ECE1: variants seen among roughly 807,000 people sequenced by gnomAD.
ECE1 encodes the protein endothelin converting enzyme 1.
In ECE1, 35 loss-of-function variants were observed where a neutral mutation model predicts 98.6. That is an observed-to-expected ratio of 0.35 (90% CI 0.27 to 0.47). The LOEUF is 0.47. Ranked by LOEUF, ECE1 falls within the 20% of genes least tolerant of loss-of-function variation. The probability of loss-of-function intolerance (pLI) is 1.00; values close to 1 mark genes in which losing one functional copy is unlikely to be tolerated. For missense variants in ECE1, 814 were observed against 1,025.3 expected, an observed-to-expected ratio of 0.79 and a Z score of 2.81; for synonymous variants, 394 against 407.1, an observed-to-expected ratio of 0.97 and a Z score of 0.39.
chr1:21,282,609 GAAAAGA>G (rs2098256116), intron 2 of ECE1, among the ~76,000 whole-genome samples: 1 of 146,570 alleles, frequency 6.8e-6, no homozygotes, highest in Non-Finnish European at 1.5e-5. Context: ...AAAAAAGAAA[GAAAAGA>G]AAAGAAAAGA....
rs925126711 is a variant in ECE1, at chr1:21,257,519, G to A, written c.828+6C>T. ...AGGCAGGCTGGGAGGGGAGAGGCAC[G>A]CTTACCTTCTCGTTTTCAGTTTTGT... On this transcript the variant is annotated splice_donor_region_variant and intron_variant, in intron 7 of 18. Transcript: ENST00000374893. 8.7e-6 allele frequency: 14 copies of A among 1,614,128 alleles called. No homozygotes were observed. The highest frequency in any genetic ancestry group is 2.2e-5 in the South Asian group (2 of 91,064).
intron 1 of ECE1, among the ~76,000 whole-genome samples, chr1:21,334,623 C>T (rs982960012): frequency 2.0e-5 from 3 of 152,158 alleles, no homozygotes; most frequent in East Asian, 1.9e-4. Flanking sequence ...GGGGCTGGGA[C>T]GGTGGGAACT....
chr1:21,303,119 G>A (rs1638523446), intron 1 of ECE1, among the ~76,000 whole-genome samples: 1 of 152,190 alleles, frequency 6.6e-6, no homozygotes, highest in African/African-American at 2.4e-5. Flanking sequence ...CCCTAAAACT[G>A]GGCTCCACCA....
At chr1:21,221,698 C>T in intron 18 of ECE1, 49 bp downstream of exon 18, 2 of 1,593,016 alleles carry the variant, frequency 1.3e-6, no homozygotes, top group Non-Finnish European at 8.6e-7. Context: ...CTTGAAACAT[C>T]AAGATGGCAG....
rs543570033 is a variant in ECE1, at chr1:21,220,790, C to T, written c.2137-659G>A. Among the ~76,000 whole-genome samples, 2 of 151,780 alleles carry T rather than the reference C, an allele frequency of 1.3e-5. No individual in the cohort carries two copies. Among genetic ancestry groups the T allele is most frequent in the African/African-American group, 2.4e-5 (1 of 41,292 alleles). On this transcript the variant is annotated intron_variant, in intron 18 of 18. Coordinates refer to ENST00000374893, the MANE Select transcript of ECE1 (RefSeq NM_001397.3). This position sits in a 1 kb window ranked among gnomAD's most constrained non-coding sequence, Gnocchi z 5.0. ...CAGGCCGGGTGACTGAGGGAGACTCCGGCTCCAAAAAAACAAAACCCAGAA... is the reference window on the plus strand; with the variant it reads ...CAGGCCGGGTGACTGAGGGAGACTCTGGCTCCAAAAAAACAAAACCCAGAA...
chr1:21,341,946 A>G (rs993021174), intron 1 of ECE1, among the ~76,000 whole-genome samples: 1 of 151,880 alleles, frequency 6.6e-6, no homozygotes, highest in African/African-American at 2.4e-5. Flanking sequence ...ACTCCCTCAC[A>G]TTCTTAATAG....
intron 1 of ECE1, among the ~76,000 whole-genome samples, chr1:21,344,180 G>A (rs553009404): frequency 6.6e-6 from 1 of 152,144 alleles, no homozygotes. Context: ...AGATGGGGGG[G>A]CGGGTTGTAA....
intron 14 of ECE1, among the ~76,000 whole-genome samples, chr1:21,230,001 A>T (rs1306104832): frequency 6.6e-6 from 1 of 152,090 alleles, no homozygotes; most frequent in Non-Finnish European, 1.5e-5. Context: ...AATTACAAAA[A>T]TTCCGGCCCC....
rs909243125 is a variant in ECE1 at position 21,260,712 on chromosome 1, C to T, written c.494-320G>A. Among the ~76,000 whole-genome samples, 2 of 152,220 alleles carry T rather than the reference C, an allele frequency of 1.3e-5. No individual in the cohort carries two copies. Among genetic ancestry groups the T allele is most frequent in the African/African-American group, 4.8e-5 (2 of 41,458 alleles). ...TGCCCACCAGCAGGACAGTGTTCTT[C>T]CCCTGTGGATAACGTGTGGTACGAA... On this transcript the variant is annotated intron_variant, in intron 4 of 18. Coordinates refer to ENST00000374893, the MANE Select transcript of ECE1 (RefSeq NM_001397.3). The surrounding 1 kb of genome is among the most constrained non-coding windows in gnomAD (Gnocchi z 4.3).
At chr1:21,333,279 C>T (rs1356130965) in intron 1 of ECE1, among the ~76,000 whole-genome samples, 1 of 151,704 alleles carries the variant, frequency 6.6e-6, no homozygotes, top group Non-Finnish European at 1.5e-5. Context: ...CCTCCGCCTC[C>T]CCCACCCCTA....
chr1:21,244,128 T>C (rs534354329), intron 10 of ECE1, among the ~76,000 whole-genome samples: 1 of 152,302 alleles, frequency 6.6e-6, no homozygotes, highest in Admixed American at 6.5e-5. Flanking sequence ...TGTTGGGGTC[T>C]TGCTAGCTGC....
intron 8 of ECE1, among the ~76,000 whole-genome samples, chr1:21,255,641 T>A (rs969916544): frequency 6.6e-6 from 1 of 152,194 alleles, no homozygotes; most frequent in Non-Finnish European, 1.5e-5. Context: ...GGAAAGGCGC[T>A]GTCAATGTAA....
intron 1 of ECE1, among the ~76,000 whole-genome samples, chr1:21,318,078 G>A (rs1294913600): frequency 1.5e-4 from 23 of 152,238 alleles, no homozygotes; most frequent in East Asian, 7.7e-4. Context: ...CTGCTGTGAC[G>A]GTTAAACGAT....
intron 4 of ECE1, among the ~76,000 whole-genome samples, chr1:21,263,409 C>T (rs1293135151): frequency 7.3e-5 from 11 of 150,032 alleles, no homozygotes; most frequent in Admixed American, 6.6e-5. Context: ...TAGGCTGGAG[C>T]GCAGGGGCGC....
intron 2 of ECE1, among the ~76,000 whole-genome samples, chr1:21,281,190 G>A (rs566511937): frequency 1.4e-5 from 2 of 145,974 alleles, no homozygotes; most frequent in Non-Finnish European, 3.0e-5. Flanking sequence ...ACTCCGTCTC[G>A]GAAAACAAAA....
At chr1:21,326,154 C>G (rs534127607) in intron 1 of ECE1, among the ~76,000 whole-genome samples, 1 of 152,046 alleles carries the variant, frequency 6.6e-6, no homozygotes, top group South Asian at 2.1e-4. Context: ...TCTCAGCCAA[C>G]AATAGCTGCT....
chr1:21,266,158 T>C (rs1569572362), intron 4 of ECE1: 1 of 151,950 alleles, frequency 6.6e-6, no homozygotes, highest in African/African-American at 2.4e-5. Context: ...TGTCTGGGAA[T>C]CCCCCGTATG....
At chr1:21,275,392 C>T (rs1416978295) in intron 3 of ECE1, among the ~76,000 whole-genome samples, 2 of 152,056 alleles carry the variant, frequency 1.3e-5, no homozygotes, top group African/African-American at 4.8e-5. Flanking sequence ...GTCAGGAGTT[C>T]GAGACCAGCC....
At chr1:21,244,151 G>C (rs2098200140) in intron 10 of ECE1, among the ~76,000 whole-genome samples, 1 of 152,176 alleles carries the variant, frequency 6.6e-6, no homozygotes, top group South Asian at 2.1e-4. Context: ...TCTGGGTTGG[G>C]GAAGCTGTGC....
Sources: allele counts gnomAD v4.1 joint callset (sites outside exome capture counted in the v4.1 genomes callset), GRCh38; gene constraint gnomAD v4.1.1; non-coding constraint Gnocchi (gnomAD v3.1); transcripts MANE v1.5; gene names NCBI Gene and HGNC (gene_info 2026-07-23, HGNC 2026-07-21).